Variants in SAFB2 observed in about 807,000 individuals in gnomAD.
The protein encoded by SAFB2 is scaffold attachment factor B2.
In SAFB2, 32 loss-of-function variants were observed where a neutral mutation model predicts 100.6. The observed-to-expected ratio is 0.32, with a 90% CI of 0.24 to 0.43. The LOEUF (loss-of-function observed/expected upper bound fraction) is 0.43. SAFB2 is among the 20% of genes least tolerant of loss of function. The pLI is 1.00. For missense variants in SAFB2, 1,185 were observed against 1,163.4 expected, an observed-to-expected ratio of 1.02 and a Z score of -0.27; for synonymous variants, 500 against 439.4, an observed-to-expected ratio of 1.14 and a Z score of -1.72.
At chr19:5,620,662 G>A (rs2053121338) in intron 2 of SAFB2, among the ~76,000 whole-genome samples, 1 of 152,224 alleles carries the variant, frequency 6.6e-6, no homozygotes, top group Admixed American at 6.5e-5. Flanking sequence ...GTTGCCAGGG[G>A]CTGGAGGGAG....
At chr19:5,609,189 C>T (rs1465605832) in intron 9 of SAFB2, among the ~76,000 whole-genome samples, 1 of 151,970 alleles carries the variant, frequency 6.6e-6, no homozygotes, top group Non-Finnish European at 1.5e-5. Flanking sequence ...TTTTCTCCCA[C>T]CCCCATGAGC....
intron 11 of SAFB2, 90 bp from the exon 12 acceptor site, chr19:5,600,350 C>T (rs774034823): frequency 5.6e-5 from 85 of 1,531,060 alleles, no homozygotes; most frequent in Admixed American, 4.1e-4. Flanking sequence ...CATACTCAGA[C>T]GTCCACACAA....
chr19:5,611,675 G>A (rs1188227324), intron 6 of SAFB2, 45 bp from the exon 7 acceptor site: 1 of 375,254 alleles, frequency 2.7e-6, no homozygotes, highest in Non-Finnish European at 5.3e-6. Context: ...TTAATTACCA[G>A]GGAAATAAAG....
chr19:5,587,116 T>G lies in SAFB2; in HGVS notation c.*127A>C. ...AAAAAAAAAAAAAGTGAGTTCACATTGTATTGAGCTACAACATGGTGGCAG... is the reference window on the plus strand; with the variant it reads ...AAAAAAAAAAAAAGTGAGTTCACATGGTATTGAGCTACAACATGGTGGCAG... On this transcript the variant is annotated 3_prime_UTR_variant, in exon 21 of 21. Coordinates refer to ENST00000252542, the MANE Select transcript of SAFB2 (RefSeq NM_014649.3). The surrounding 1 kb of genome is among the most constrained non-coding windows in gnomAD (Gnocchi z 4.9). The G allele has an allele frequency of 8.2e-7, 1 of 1,224,598 alleles. No individual in the cohort carries two copies. Among genetic ancestry groups the G allele is most frequent in the South Asian group, 1.7e-5 (1 of 59,318 alleles). 75.9% of individuals were successfully genotyped at this position (1,224,598 alleles called of 1,614,324 possible). A position where few individuals can be genotyped will look rare whatever the true frequency, so the allele number is the denominator to read the frequency against.
Position 5,622,513 on chromosome 19 carries a change from G to A in SAFB2, c.186+17C>T, listed in dbSNP as rs1313022276. 7.6e-6 allele frequency: 12 copies of A among 1,585,162 alleles called. No homozygotes were observed. Among genetic ancestry groups the A allele is most frequent in the Non-Finnish European group, 8.6e-6 (10 of 1,166,920 alleles). On this transcript the variant is annotated intron_variant, in intron 1 of 20. Coordinates refer to ENST00000252542, the MANE Select transcript of SAFB2 (RefSeq NM_014649.3). Reference sequence around the variant, plus strand: ...CCCGGGCCTCCTGCGCCACCCCCGAGCCCCGCGCCGCCTCACCTTCTTGAG... The same window carrying A: ...CCCGGGCCTCCTGCGCCACCCCCGAACCCCGCGCCGCCTCACCTTCTTGAG...
chr19:5,589,469 C>G (rs1472663111), intron 18 of SAFB2, among the ~76,000 whole-genome samples: 1 of 151,992 alleles, frequency 6.6e-6, no homozygotes, highest in African/African-American at 2.4e-5. Context: ...CAAAACCCAC[C>G]CTGTGGCGCT....
chr19:5,609,113 T>C (rs1282039186), intron 9 of SAFB2, among the ~76,000 whole-genome samples: 1 of 150,274 alleles, frequency 6.7e-6, no homozygotes, highest in Non-Finnish European at 1.5e-5. Context: ...TCTTAATTAA[T>C]TTCAAACAGT....
intron 9 of SAFB2, 61 bp from the exon 10 acceptor site, chr19:5,604,997 A>G (rs994479160): frequency 6.9e-5 from 108 of 1,555,260 alleles, no homozygotes; most frequent in Non-Finnish European, 9.2e-5. Flanking sequence ...TGCTAAAGTT[A>G]TTACCTGGCA....
At position 5,590,357 on chromosome 19, in the gene SAFB2, G is replaced by A. The variant is rs780657822; in HGVS notation, c.2446C>T (p.Arg816Trp). 14 of 1,611,494 alleles carry A rather than the reference G, an allele frequency of 8.7e-6. No homozygotes were observed. The highest frequency in any genetic ancestry group is 2.2e-5 in the South Asian group (2 of 90,432). ...CCCCCCCAGCCATCACGGGAGTCCC[G>A]GCCGTGGCGCTCTGGGGGTCCTCCG... ...GHGGPPERHG[R>W]DSRDGWGGYG... is the part of the protein sequence containing the mutation. Residue 816 changes from arginine (R) to tryptophan (W), a missense_variant, in exon 18 of 21, where the codon CGG (arginine) becomes TGG (tryptophan). Arg to Trp is a moderately radical substitution (Grantham distance 101). Around this residue, in one of 3 missense-constraint regions of SAFB2, gnomAD observed 740 missense variants for 687.1 expected, o/e 1.08. Coordinates refer to ENST00000252542, the MANE Select transcript of SAFB2 (RefSeq NM_014649.3).
At chr19:5,602,479 CAA>C (rs35472223) in intron 11 of SAFB2, among the ~76,000 whole-genome samples, 15 of 39,510 alleles carry the variant, frequency 3.8e-4, no homozygotes, top group African/African-American at 7.8e-4. Context: ...GACTCTGTCT[CAA>C]AAAAAAAAAA....
At chr19:5,598,339 G>C (rs781701454) in intron 13 of SAFB2, 1 of 162,150 alleles carries the variant, frequency 6.2e-6, no homozygotes, top group African/African-American at 2.4e-5. Flanking sequence ...TGCACAACTC[G>C]AGAGGTACAG....
At chr19:5,618,396 C>A (rs892479312) in intron 2 of SAFB2, among the ~76,000 whole-genome samples, 1 of 152,082 alleles carries the variant, frequency 6.6e-6, no homozygotes, top group Non-Finnish European at 1.5e-5. Flanking sequence ...CATAAAAAAC[C>A]TGCAGGGTCT....
chr19:5,621,772 G>A (rs1007742038), intron 1 of SAFB2, among the ~76,000 whole-genome samples: 3 of 152,260 alleles, frequency 2.0e-5, no homozygotes, highest in African/African-American at 7.2e-5. Context: ...CGCTGGTGAG[G>A]AGGAACAGCA....
At chr19:5,590,773 G>GC (rs142260490) in intron 17 of SAFB2, among the ~76,000 whole-genome samples, 1 of 152,260 alleles carries the variant, frequency 6.6e-6, no homozygotes, top group East Asian at 1.9e-4. Context: ...GGGTGGGTCA[G>GC]CCCCCCTGTG....
At chr19:5,589,214 A>G (rs1477776625) in intron 18 of SAFB2, among the ~76,000 whole-genome samples, 1 of 152,202 alleles carries the variant, frequency 6.6e-6, no homozygotes, top group African/African-American at 2.4e-5. Context: ...TTTCCCGTTT[A>G]CACTCCCGAG....
intron 4 of SAFB2, among the ~76,000 whole-genome samples, chr19:5,614,154 C>T (rs1050125883): frequency 2.0e-5 from 3 of 152,124 alleles, no homozygotes; most frequent in Non-Finnish European, 4.4e-5. Context: ...CGGGGTTTCA[C>T]CATGTCCAGG....
Position 5,587,484 on chromosome 19 carries a change from C to A in SAFB2, c.2706-85G>T, listed in dbSNP as rs1008938942. ...ATGGGTTCAGTAACGGTCCCGCAGC[C>A]TTTAGAGCGCTTGGGTTTTTTTTCC... is the stretch of plus-strand genomic sequence containing the variant. On this transcript the variant is annotated intron_variant, in intron 20 of 20. Coordinates refer to ENST00000252542, the MANE Select transcript of SAFB2 (RefSeq NM_014649.3). This position sits in a 1 kb window ranked among gnomAD's most constrained non-coding sequence, Gnocchi z 4.9. The A allele has an allele frequency of 1.5e-5, 22 of 1,502,906 alleles. No homozygotes were observed. Among genetic ancestry groups the A allele is most frequent in the Non-Finnish European group, 1.9e-5 (21 of 1,119,206 alleles). The allele number at this position is 1,502,906 out of a possible 1,614,324, so 93.1% of individuals were successfully genotyped here.
chr19:5,603,354 A>G (rs1599252532), intron 11 of SAFB2, among the ~76,000 whole-genome samples: 1 of 152,270 alleles, frequency 6.6e-6, no homozygotes, highest in African/African-American at 2.4e-5. Flanking sequence ...TCAAAAACCC[A>G]GTTCAACTAT....
At chr19:5,590,840 CAGCAGCCAGGA>C (rs766729887) in intron 17 of SAFB2, among the ~76,000 whole-genome samples, 35 of 152,242 alleles carry the variant, frequency 2.3e-4, no homozygotes, top group Non-Finnish European at 4.4e-4. Flanking sequence ...ACGGAGCAGC[CAGCAGCCAGGA>C]AGCAGGCGGG....
Sources: allele counts gnomAD v4.1 joint callset (sites outside exome capture counted in the v4.1 genomes callset), GRCh38; gene constraint gnomAD v4.1.1; regional missense constraint gnomAD v4.1.1; non-coding constraint Gnocchi (gnomAD v3.1); transcripts MANE v1.5; gene names NCBI Gene and HGNC (gene_info 2026-07-23, HGNC 2026-07-21).